Variants in ECE1 observed in about 807,000 individuals in gnomAD.
The protein encoded by ECE1 is endothelin-converting enzyme 1.
In ECE1, 35 loss-of-function variants were observed where a neutral mutation model predicts 98.6. The observed-to-expected ratio is 0.35, with a 90% CI of 0.27 to 0.47. The LOEUF (loss-of-function observed/expected upper bound fraction) is 0.47. ECE1 is among the 20% of genes least tolerant of loss of function. The pLI is 1.00. For synonymous variants in ECE1, 394 were observed against 407.1 expected, an observed-to-expected ratio of 0.97 and a Z score of 0.39; for missense variants, 814 against 1,025.3, an observed-to-expected ratio of 0.79 and a Z score of 2.81.
chr1:21,234,297 C>T (rs560324952), intron 13 of ECE1, among the ~76,000 whole-genome samples: 6 of 151,762 alleles, frequency 4.0e-5, no homozygotes, highest in African/African-American at 1.2e-4. Flanking sequence ...CACTAATAAG[C>T]ATTTCAAATG....
chr1:21,343,729 G>A (rs1223888461), intron 1 of ECE1, among the ~76,000 whole-genome samples: 3 of 152,154 alleles, frequency 2.0e-5, no homozygotes, highest in African/African-American at 7.2e-5. Flanking sequence ...GTCAAAGCCT[G>A]GACTCTTCAC....
chr1:21,318,941 G>A (rs908026264), intron 1 of ECE1, among the ~76,000 whole-genome samples: 31 of 152,212 alleles, frequency 2.0e-4, no homozygotes, highest in African/African-American at 5.8e-4. Context: ...AATACTATCC[G>A]AAAATGCTTC....
chr1:21,313,176 A>C (rs1050610385), intron 1 of ECE1, among the ~76,000 whole-genome samples: 1 of 152,076 alleles, frequency 6.6e-6, no homozygotes, highest in African/African-American at 2.4e-5. Flanking sequence ...CACAATGCCA[A>C]GGCCAACTCC....
At chr1:21,222,698 G>A (rs898752007) in intron 17 of ECE1, among the ~76,000 whole-genome samples, 2 of 151,492 alleles carry the variant, frequency 1.3e-5, no homozygotes, top group African/African-American at 4.9e-5. Flanking sequence ...AAAATTAGCC[G>A]AGGTGCGGTG....
chr1:21,296,919 C>G (rs1558420779), intron 1 of ECE1, among the ~76,000 whole-genome samples: 1 of 152,192 alleles, frequency 6.6e-6, no homozygotes, highest in Non-Finnish European at 1.5e-5. Context: ...AACTGAGGGC[C>G]TGTGCAGGGG....
intron 2 of ECE1, among the ~76,000 whole-genome samples, chr1:21,288,812 G>C (rs933269685): frequency 1.3e-5 from 2 of 152,280 alleles, no homozygotes; most frequent in Middle Eastern, 3.4e-3. Flanking sequence ...CGGATTTTTA[G>C]CTCGGTGACC....
At position 21,322,019 on chromosome 1, in the gene ECE1, C is replaced by A. The variant is rs1045497819; in HGVS notation, c.3+23357G>T. 1.3e-5 allele frequency among the ~76,000 whole-genome samples: 2 copies of A among 152,168 alleles called. No individual in the cohort carries two copies. On this transcript the variant is annotated intron_variant, in intron 1 of 18. Transcript: ENST00000415912. This position sits in a 1 kb window ranked among gnomAD's most constrained non-coding sequence, Gnocchi z 4.1. The stretch of plus-strand genomic sequence containing the variant: ...GGGCCAGTTGGTGTGATTCCCAGGT[C>A]CGAATGAAACAGAGCTGCGTCCCCG...
chr1:21,331,985 C>T (rs1302057142), intron 1 of ECE1, among the ~76,000 whole-genome samples: 3 of 152,150 alleles, frequency 2.0e-5, no homozygotes, highest in Non-Finnish European at 1.5e-5. Context: ...CAGAAGCAAC[C>T]TGCCAGCCCT....
intron 8 of ECE1, among the ~76,000 whole-genome samples, chr1:21,255,613 C>G (rs1386626908): frequency 6.6e-6 from 1 of 152,194 alleles, no homozygotes; most frequent in Admixed American, 6.5e-5. Context: ...GTTCGATGTG[C>G]TTGGTGCTGG....
chr1:21,317,976 G>A (rs3026831), intron 1 of ECE1, among the ~76,000 whole-genome samples: 9,657 of 152,266 alleles, frequency 0.063, 1,049 homozygotes, highest in African/African-American at 0.22. Context: ...TCTCTTTCTC[G>A]AAGTGGGGAC....
rs2098242328 is a variant in ECE1, at chr1:21,273,140, CCCAGGTGTTT to C, written c.281-239_281-230del. On this transcript the variant is annotated intron_variant, in intron 3 of 18. Coordinates refer to ENST00000374893, the MANE Select transcript of ECE1 (RefSeq NM_001397.3). ...TCCTGTGGCTAAAAGGTACCCAGAACCCAGGTGTTTCTCTTAATCAACCTTCTCCTCCATA... is the reference window on the plus strand; with the variant it reads ...TCCTGTGGCTAAAAGGTACCCAGAACCTCTTAATCAACCTTCTCCTCCATA... Among the ~76,000 whole-genome samples, 5 of 152,264 alleles carry C rather than the reference CCCAGGTGTTT, an allele frequency of 3.3e-5. No individual in the cohort carries two copies. In the South Asian group the frequency reaches 1.0e-3, roughly 31 times the overall value.
At position 21,345,405 on chromosome 1, in the gene ECE1, C is replaced by G; in HGVS notation, c.-27G>C. 6 of 1,328,956 alleles carry G rather than the reference C, an allele frequency of 4.5e-6. No homozygotes were observed. Among genetic ancestry groups the G allele is most frequent in the Non-Finnish European group, 4.9e-6 (5 of 1,029,068 alleles). 82.3% of individuals were successfully genotyped at this position (1,328,956 alleles called of 1,614,324 possible). ...GCTCGCGTGCTCCGCCCCGGCTTCG[C>G]GCAGCTCCCCGCGCCCGGCTCCCGA... On this transcript the variant is annotated 5_prime_UTR_variant, in exon 1 of 19. Transcript: ENST00000415912. This position sits in a 1 kb window ranked among gnomAD's most constrained non-coding sequence, Gnocchi z 5.1.
At chr1:21,243,653 T>A (rs929960748) in intron 10 of ECE1, among the ~76,000 whole-genome samples, 1 of 152,228 alleles carries the variant, frequency 6.6e-6, no homozygotes, top group South Asian at 2.1e-4. Context: ...GGAACCATCA[T>A]CCTGGGTCCT....
intron 1 of ECE1, among the ~76,000 whole-genome samples, chr1:21,330,746 GACT>G (rs1432212361): frequency 2.6e-5 from 4 of 151,926 alleles, no homozygotes; most frequent in Non-Finnish European, 5.9e-5. Context: ...TCCTCCCCCT[GACT>G]CAGGTCCTTT....
At chr1:21,310,767 C>T (rs1638707555) in intron 1 of ECE1, among the ~76,000 whole-genome samples, 1 of 152,140 alleles carries the variant, frequency 6.6e-6, no homozygotes, top group Non-Finnish European at 1.5e-5. Flanking sequence ...TCTCCCAGCC[C>T]TCTGCTCTGT....
chr1:21,297,168 C>G (rs1352571239), intron 1 of ECE1, among the ~76,000 whole-genome samples: 1 of 152,234 alleles, frequency 6.6e-6, no homozygotes, highest in African/African-American at 2.4e-5. Flanking sequence ...CGCTGGGAAG[C>G]ACTCACTCAC....
Position 21,233,544 on chromosome 1 carries a change from C to G in ECE1, c.1670+14G>C. 1 of 1,612,552 alleles carries G rather than the reference C, an allele frequency of 6.2e-7. No individual in the cohort carries two copies. The highest frequency in any genetic ancestry group is 8.5e-7 in the Non-Finnish European group (1 of 1,179,512). On this transcript the variant is annotated intron_variant, in intron 14 of 18. Transcript: ENST00000374893. The surrounding 1 kb of genome is among the most constrained non-coding windows in gnomAD (Gnocchi z 4.0). ...GGAGCTGGCACCTTGCCGGCAGGGCCTGGGGGAACTCACTGATCTCTGTTG... is the reference window on the plus strand; with the variant it reads ...GGAGCTGGCACCTTGCCGGCAGGGCGTGGGGGAACTCACTGATCTCTGTTG...
At chr1:21,221,281 T>C (rs1254481923) in intron 18 of ECE1, among the ~76,000 whole-genome samples, 1 of 152,168 alleles carries the variant, frequency 6.6e-6, no homozygotes, top group East Asian at 1.9e-4. Flanking sequence ...GTGATTCTCA[T>C]GCCTCAGCCT....
chr1:21,332,822 G>A (rs1167202986), intron 1 of ECE1, among the ~76,000 whole-genome samples: 1 of 143,292 alleles, frequency 7.0e-6, no homozygotes, highest in East Asian at 2.1e-4. Flanking sequence ...AGAGGGAAGG[G>A]GGCTGCGGGA....
Sources: allele counts gnomAD v4.1 joint callset (sites outside exome capture counted in the v4.1 genomes callset), GRCh38; gene constraint gnomAD v4.1.1; non-coding constraint Gnocchi (gnomAD v3.1); transcripts MANE v1.5; gene names NCBI Gene and HGNC (gene_info 2026-07-23, HGNC 2026-07-21).